MYRIP: variants seen among roughly 807,000 people sequenced by gnomAD.
The protein encoded by MYRIP is rab effector MyRIP.
Under a neutral mutation model 98.0 loss-of-function variants are expected in MYRIP, and 49 were observed. That is an observed-to-expected ratio of 0.50 (90% CI 0.40 to 0.63). MYRIP has a LOEUF of 0.63. Ranked by LOEUF, MYRIP falls within the 30% of genes least tolerant of loss-of-function variation. The pLI is 0.00. For missense variants in MYRIP, 1,004 were observed against 1,058.2 expected (o/e 0.95, Z 0.71); for synonymous variants, 404 against 409.5 (o/e 0.99, Z 0.16).
chr3:40,249,988 G>C (rs1019202556), intron 13 of MYRIP, among the ~76,000 whole-genome samples: 1 of 152,108 alleles, frequency 6.6e-6, no homozygotes, highest in Non-Finnish European at 1.5e-5. Context: ...TGACAGGATT[G>C]TTGACATGCT....
chr3:40,169,167 C>T (rs999396271), intron 7 of MYRIP, among the ~76,000 whole-genome samples: 7 of 152,178 alleles, frequency 4.6e-5, no homozygotes, highest in Admixed American at 1.3e-4. Context: ...TGGGAGGCAC[C>T]GGCAGTCACT....
intron 2 of MYRIP, among the ~76,000 whole-genome samples, chr3:39,974,954 A>C (rs1272893765): frequency 6.6e-6 from 1 of 152,218 alleles, no homozygotes; most frequent in Non-Finnish European, 1.5e-5. Flanking sequence ...AATGGGCAAA[A>C]ACTAGAAGCA....
At chr3:40,244,643 A>G (rs1480401888) in intron 13 of MYRIP, 36 bp downstream of exon 13, 2 of 1,556,612 alleles carry the variant, frequency 1.3e-6, no homozygotes, top group African/African-American at 1.4e-5. Context: ...TGGGTCCTGC[A>G]GGGTGAAACA....
intron 2 of MYRIP, among the ~76,000 whole-genome samples, chr3:39,932,135 A>C (rs12631350): frequency 0.057 from 8,631 of 152,258 alleles, 418 homozygotes; most frequent in East Asian, 0.15. Flanking sequence ...CTCCACTGAA[A>C]GCCAGGCATT....
intron 10 of MYRIP, among the ~76,000 whole-genome samples, chr3:40,207,726 A>G (rs1317369651): frequency 1.3e-5 from 2 of 152,210 alleles, no homozygotes; most frequent in African/African-American, 4.8e-5. Context: ...AACTGGATGA[A>G]AAGACCATAC....
At chr3:39,952,126 T>G (rs1288213088) in intron 2 of MYRIP, among the ~76,000 whole-genome samples, 2 of 152,190 alleles carry the variant, frequency 1.3e-5, no homozygotes, top group South Asian at 2.1e-4. Context: ...TATCTGGAAA[T>G]TTCATATGTA....
chr3:40,193,079 C>T (rs1430051442), intron 10 of MYRIP, among the ~76,000 whole-genome samples: 1 of 152,074 alleles, frequency 6.6e-6, no homozygotes, highest in Non-Finnish European at 1.5e-5. Context: ...ACTGAAGGTG[C>T]AACAGTAACA....
Position 40,012,448 on chromosome 3 carries a change from G to C in MYRIP, c.111-31602G>C, listed in dbSNP as rs561694633. 6.6e-5 allele frequency among the ~76,000 whole-genome samples: 10 copies of C among 152,314 alleles called. No homozygotes were observed. The South Asian group carries it at 1.9e-3, about 28-fold the overall frequency. Reference sequence around the variant, plus strand: ...CATGGAGACATCTCCAAGTGTAATAGCTTAGGTTTTTGTCTCACCAAAGTT... The same window carrying C: ...CATGGAGACATCTCCAAGTGTAATACCTTAGGTTTTTGTCTCACCAAAGTT... On this transcript the variant is annotated intron_variant, in intron 2 of 16. Transcript: ENST00000302541.
In MYRIP at chr3:39,809,635, G is replaced by T. The variant is rs1278722797; in HGVS notation, c.-312G>T. 3 of 151,674 alleles carry T rather than the reference G, an allele frequency of 2.0e-5. No homozygotes were observed. The allele number at this position is 151,674 out of a possible 1,614,324, so 9.4% of individuals were successfully genotyped here. A position where few individuals can be genotyped will look rare whatever the true frequency, so the allele number is the denominator to read the frequency against. ...GGCTGGCCCTGGCTGCCTGCGGCGCGGGCGCCTCCCTCGCAGCCGCTGCTG... is the reference window on the plus strand; with the variant it reads ...GGCTGGCCCTGGCTGCCTGCGGCGCTGGCGCCTCCCTCGCAGCCGCTGCTG... On this transcript the variant is annotated 5_prime_UTR_variant, in exon 1 of 17. Transcript: ENST00000302541.
chr3:40,070,103 A>G (rs1245469577), intron 3 of MYRIP, among the ~76,000 whole-genome samples: 1 of 152,222 alleles, frequency 6.6e-6, no homozygotes, highest in Non-Finnish European at 1.5e-5. Context: ...ACATTGGACC[A>G]CACATTTATA....
chr3:39,899,852 G>A (rs931313112), intron 1 of MYRIP, among the ~76,000 whole-genome samples: 11 of 152,106 alleles, frequency 7.2e-5, no homozygotes, highest in East Asian at 5.8e-4. Flanking sequence ...ATGGAGTCTC[G>A]CTTTGTCACC....
intron 2 of MYRIP, among the ~76,000 whole-genome samples, chr3:40,029,004 G>C (rs142193166): frequency 6.6e-6 from 1 of 152,040 alleles, no homozygotes; most frequent in Non-Finnish European, 1.5e-5. Flanking sequence ...CTGTGTATCA[G>C]CAAACAAAAC....
At chr3:40,170,849 G>A (rs1252075269) in intron 8 of MYRIP, among the ~76,000 whole-genome samples, 2 of 152,162 alleles carry the variant, frequency 1.3e-5, no homozygotes, top group Non-Finnish European at 2.9e-5. Context: ...CATGGGAAAG[G>A]CAAGGCCAGG....
chr3:39,919,183 G>T, intron 2 of MYRIP, among the ~76,000 whole-genome samples: 1 of 152,198 alleles, frequency 6.6e-6, no homozygotes, highest in East Asian at 1.9e-4. Context: ...TCCCAGGCTG[G>T]TCTGAGTCCT....
chr3:40,226,294 T>C (rs1006645223), intron 11 of MYRIP, among the ~76,000 whole-genome samples: 1 of 152,224 alleles, frequency 6.6e-6, no homozygotes, highest in African/African-American at 2.4e-5. Context: ...AAATCTTTAA[T>C]GCATCAATTT....
chr3:39,899,318 T>G (rs971757268), intron 1 of MYRIP, among the ~76,000 whole-genome samples: 3 of 152,232 alleles, frequency 2.0e-5, no homozygotes, highest in Non-Finnish European at 4.4e-5. Flanking sequence ...TCTTTGCCAC[T>G]GTGGTAGAAT....
chr3:40,139,524 ATTCT>A (rs1222342904), intron 3 of MYRIP, among the ~76,000 whole-genome samples: 1 of 152,294 alleles, frequency 6.6e-6, no homozygotes, highest in Non-Finnish European at 1.5e-5. Flanking sequence ...TTATTTAAAT[ATTCT>A]TTTATTTAGC....
chr3:40,056,372 C>T (rs1030317534), intron 3 of MYRIP, among the ~76,000 whole-genome samples: 24 of 152,102 alleles, frequency 1.6e-4, no homozygotes, highest in African/African-American at 5.6e-4. Context: ...GATTTTAGAC[C>T]TTTGGCCTCA....
At chr3:39,856,374 G>A (rs1942296287) in intron 1 of MYRIP, among the ~76,000 whole-genome samples, 1 of 152,184 alleles carries the variant, frequency 6.6e-6, no homozygotes, top group South Asian at 2.1e-4. Flanking sequence ...CTCCCTGCCT[G>A]ATTTTAGAGC....
Sources: allele counts gnomAD v4.1 joint callset (sites outside exome capture counted in the v4.1 genomes callset), GRCh38; gene constraint gnomAD v4.1.1; transcripts MANE v1.5; gene names NCBI Gene and HGNC (gene_info 2026-07-23, HGNC 2026-07-21).